Variants in RGS5 observed in about 807,000 individuals in gnomAD.
The protein encoded by RGS5 is regulator of G protein signaling 5, also known as regulator of G-protein signalling 5.
A neutral mutation model predicts 18.9 loss-of-function variants in RGS5; 20 were observed. The observed-to-expected ratio is 1.06, with a 90% confidence interval of 0.74 to 1.54. The LOEUF is 1.54. Ranked by LOEUF, RGS5 falls within the 40% of genes most tolerant of loss-of-function variation. RGS5 has a pLI of 0.00. For synonymous variants in RGS5, 57 were observed against 76.2 expected (o/e 0.75, Z 1.31); for missense variants, 201 against 211.8 (o/e 0.95, Z 0.32).
intron 1 of RGS5, among the ~76,000 whole-genome samples, chr1:163,186,974 G>T (rs920014003): frequency 6.6e-6 from 1 of 152,144 alleles, no homozygotes; most frequent in Non-Finnish European, 1.5e-5. Flanking sequence ...TTCCTAGTCT[G>T]TCATAATTGT....
At chr1:163,236,525 G>C (rs1647624731) in intron 2 of RGS5, among the ~76,000 whole-genome samples, 1 of 152,110 alleles carries the variant, frequency 6.6e-6, no homozygotes. Flanking sequence ...GCTTTGCCTA[G>C]TTCCAAACCT....
At chr1:163,150,271 T>C (rs921201320) in intron 4 of RGS5, among the ~76,000 whole-genome samples, 2 of 152,222 alleles carry the variant, frequency 1.3e-5, no homozygotes, top group African/African-American at 4.8e-5. Context: ...AGCCATGGTA[T>C]TGTTTATTTT....
chr1:163,205,215 T>G (rs1394958461), upstream of RGS5, among the ~76,000 whole-genome samples: 1 of 151,996 alleles, frequency 6.6e-6, no homozygotes, highest in African/African-American at 2.4e-5. Flanking sequence ...GGTATAAAGT[T>G]TCAGTTATGC....
chr1:163,193,987 T>G (rs7513108), intron 1 of RGS5, among the ~76,000 whole-genome samples: 22,919 of 152,102 alleles, frequency 0.15, 1,775 homozygotes, highest in South Asian at 0.26. Flanking sequence ...TGTTTACTTT[T>G]TTATCTTGCC....
chr1:163,177,604 C>T (rs989042324), intron 1 of RGS5, among the ~76,000 whole-genome samples: 10 of 152,194 alleles, frequency 6.6e-5, no homozygotes, highest in African/African-American at 2.4e-4. Flanking sequence ...TGGAGGACCA[C>T]ATGAGGTCAC....
At chr1:163,274,157 C>T (rs1164851634) in intron 2 of RGS5, among the ~76,000 whole-genome samples, 1 of 151,984 alleles carries the variant, frequency 6.6e-6, no homozygotes, top group Non-Finnish European at 1.5e-5. Context: ...CATAATGAGC[C>T]CATTTTGATA....
chr1:163,157,152 T>C (rs555709316), intron 3 of RGS5, among the ~76,000 whole-genome samples: 1 of 152,188 alleles, frequency 6.6e-6, no homozygotes, highest in African/African-American at 2.4e-5. Context: ...CTTCTGAAAC[T>C]CCTAGGGAAG....
At chr1:163,232,283 C>T (rs1324497771) in intron 2 of RGS5, among the ~76,000 whole-genome samples, 1 of 152,184 alleles carries the variant, frequency 6.6e-6, no homozygotes, top group African/African-American at 2.4e-5. Context: ...AGCAGAGACA[C>T]ACAACCTTAG....
At chr1:163,208,770 A>G (rs973430502) in intron 1 of RGS5, among the ~76,000 whole-genome samples, 1 of 152,162 alleles carries the variant, frequency 6.6e-6, no homozygotes, top group African/African-American at 2.4e-5. Context: ...AAATGGAAAT[A>G]TTAAATATAA....
At chr1:163,210,015 G>T (rs1660065169) in intron 1 of RGS5, among the ~76,000 whole-genome samples, 1 of 151,414 alleles carries the variant, frequency 6.6e-6, no homozygotes, top group Non-Finnish European at 1.5e-5. Context: ...TCTGGGACAG[G>T]GTCTGGCTCT....
rs192232043 is a variant in RGS5 at position 163,184,797 on chromosome 1, A to G, written c.45-16429T>C. 6.6e-5 allele frequency among the ~76,000 whole-genome samples: 10 copies of G among 152,170 alleles called. No individual in the cohort carries two copies. In the East Asian group the frequency reaches 1.9e-3, roughly 29 times the overall value. Reference sequence around the variant, plus strand: ...GATGTTAGAAAAGGCAAATAAATCAATTTCCCCCAGAACCTCCAGGAGGAA... The same window carrying G: ...GATGTTAGAAAAGGCAAATAAATCAGTTTCCCCCAGAACCTCCAGGAGGAA... On this transcript the variant is annotated intron_variant, in intron 1 of 4. Coordinates refer to ENST00000313961, the MANE Select transcript of RGS5 (RefSeq NM_003617.4).
chr1:163,197,031 G>A lies in RGS5; in HGVS notation c.44+5761C>T, dbSNP rs151291687. Among the ~76,000 whole-genome samples the A allele has an allele frequency of 3.2e-3, 494 of 152,210 alleles. 3 individuals are homozygous for A. Among genetic ancestry groups the A allele is most frequent in the African/African-American group, 0.011 (477 of 41,532 alleles). On this transcript the variant is annotated intron_variant, in intron 1 of 4. Coordinates refer to ENST00000313961, the MANE Select transcript of RGS5 (RefSeq NM_003617.4). ...AATAAAATCATTTAGGTGAAGGGGA[G>A]GACTATCTTTCCCCTGAATAAATCT...
intron 2 of RGS5, among the ~76,000 whole-genome samples, chr1:163,241,245 T>C (rs1031421588): frequency 7.9e-5 from 12 of 152,188 alleles, no homozygotes; most frequent in Admixed American, 6.5e-4. Flanking sequence ...GGCAGATTGT[T>C]GTTGTTGTTG....
chr1:163,288,090 C>A (rs958431109), intron 2 of RGS5, among the ~76,000 whole-genome samples: 3 of 151,592 alleles, frequency 2.0e-5, no homozygotes, highest in African/African-American at 7.3e-5. Flanking sequence ...AATTTAAAAG[C>A]ACACAACAGT....
intron 2 of RGS5, among the ~76,000 whole-genome samples, chr1:163,261,604 T>C (rs1571325844): frequency 6.6e-6 from 1 of 152,294 alleles, no homozygotes; most frequent in East Asian, 1.9e-4. Context: ...AGGAATATTT[T>C]TCTAGTGTGC....
chr1:163,188,803 C>G (rs964379370), intron 1 of RGS5, among the ~76,000 whole-genome samples: 3 of 149,816 alleles, frequency 2.0e-5, no homozygotes, highest in African/African-American at 7.5e-5. Context: ...ACTAAAAATA[C>G]AAAAATTAGC....
At chr1:163,254,363 T>A (rs1255918764) in intron 2 of RGS5, among the ~76,000 whole-genome samples, 1 of 152,192 alleles carries the variant, frequency 6.6e-6, no homozygotes, top group African/African-American at 2.4e-5. Flanking sequence ...TGAGATGGTA[T>A]CTCATTGTGG....
At chr1:163,191,884 G>C (rs375121290) in intron 1 of RGS5, among the ~76,000 whole-genome samples, 25 of 152,204 alleles carry the variant, frequency 1.6e-4, no homozygotes, top group East Asian at 1.2e-3. Context: ...GCTGAAGCTT[G>C]AGTTAATAAT....
At chr1:163,219,627 C>T (rs528656192), upstream of RGS5, among the ~76,000 whole-genome samples, 2 of 152,084 alleles carry the variant, frequency 1.3e-5, no homozygotes, top group Non-Finnish European at 2.9e-5. Context: ...GATGTTCATG[C>T]ATTGCTGTTT....
Sources: gnomAD v4.1 joint callset for allele counts (sites outside exome capture counted in the v4.1 genomes callset) on GRCh38, gnomAD v4.1.1 for gene constraint, MANE v1.5 for transcripts, NCBI Gene and HGNC (gene_info 2026-07-23, HGNC 2026-07-21) for gene names.